Variants in CADM1 observed in about 807,000 individuals in gnomAD.
CADM1 encodes the protein cell adhesion molecule 1.
CADM1 carries 15 observed loss-of-function variants against 53.1 expected under a neutral mutation model. The observed-to-expected ratio is 0.28, with a 90% CI of 0.19 to 0.44. The LOEUF (loss-of-function observed/expected upper bound fraction) is 0.44, where lower values mean the gene tolerates loss of function less well. Ranked by LOEUF, CADM1 falls within the 20% of genes least tolerant of loss-of-function variation. The pLI is 1.00. For missense variants in CADM1, 434 were observed against 611.3 expected (o/e 0.71, Z 3.06); for synonymous variants, 281 against 243.0 (o/e 1.16, Z -1.45).
Position 115,312,710 on chromosome 11 carries a change from G to A in CADM1, c.125-72290C>T, listed in dbSNP as rs45616036. On this transcript the variant is annotated intron_variant, in intron 1 of 11. Coordinates refer to ENST00000331581, the MANE Select transcript of CADM1 (RefSeq NM_001301043.2). ...GCACAAAACCAAAATTAAGTGTCTAGTTGTGCTAACACCTAAAACATCAGA... is the reference window on the plus strand; with the variant it reads ...GCACAAAACCAAAATTAAGTGTCTAATTGTGCTAACACCTAAAACATCAGA... Among the ~76,000 whole-genome samples the A allele has an allele frequency of 9.0e-3, 1,371 of 152,172 alleles. 17 individuals are homozygous for A. The highest frequency in any genetic ancestry group is 9.1e-3 in the Non-Finnish European group (620 of 67,990).
chr11:115,355,100 AAAGAT>A (rs1945830126), intron 1 of CADM1, among the ~76,000 whole-genome samples: 2 of 152,322 alleles, frequency 1.3e-5, no homozygotes, highest in South Asian at 4.1e-4. Context: ...TCCAGAACAC[AAAGAT>A]AAGGAAATCA....
At chr11:115,217,398 C>T (rs1266334317) in intron 6 of CADM1, among the ~76,000 whole-genome samples, 4 of 152,130 alleles carry the variant, frequency 2.6e-5, no homozygotes, top group Admixed American at 2.6e-4. Context: ...AAAAATATTT[C>T]TGGGAGTCAA....
chr11:115,297,733 C>A (rs759416326), intron 1 of CADM1, among the ~76,000 whole-genome samples: 2 of 152,314 alleles, frequency 1.3e-5, no homozygotes, highest in South Asian at 4.1e-4. Context: ...GAACATGACA[C>A]AAACTGTAAG....
rs149599501 is a variant in CADM1, at chr11:115,241,592, G to A, written c.125-1172C>T. Among the ~76,000 whole-genome samples the A allele has an allele frequency of 2.1e-3, 325 of 152,248 alleles. 3 individuals carry two copies. Among genetic ancestry groups the A allele is most frequent in the African/African-American group, 7.5e-3 (311 of 41,538 alleles). Reference sequence around the variant, plus strand: ...AGCTATCTCACAGGGCTGATGGGGGGATGAAAAAGGATAATAAATATAAAG... The same window carrying A: ...AGCTATCTCACAGGGCTGATGGGGGAATGAAAAAGGATAATAAATATAAAG... On this transcript the variant is annotated intron_variant, in intron 1 of 11. Coordinates refer to ENST00000331581, the MANE Select transcript of CADM1 (RefSeq NM_001301043.2).
chr11:115,379,303 T>A (rs1037261198), intron 1 of CADM1, among the ~76,000 whole-genome samples: 1 of 152,182 alleles, frequency 6.6e-6, no homozygotes, highest in African/African-American at 2.4e-5. Flanking sequence ...TGAAGACATT[T>A]AAAAAGAAAA....
At chr11:115,222,972 T>G (rs1262030319) in intron 5 of CADM1, among the ~76,000 whole-genome samples, 2 of 152,160 alleles carry the variant, frequency 1.3e-5, no homozygotes, top group African/African-American at 4.8e-5. Context: ...TTTTTTGTTT[T>G]GTTTTGTTCT....
At chr11:115,238,855 C>A (rs565077272) in intron 2 of CADM1, among the ~76,000 whole-genome samples, 1 of 151,572 alleles carries the variant, frequency 6.6e-6, no homozygotes, top group East Asian at 1.9e-4. Flanking sequence ...TGTATGTGTG[C>A]GTGTGCATAT....
intron 4 of CADM1, among the ~76,000 whole-genome samples, chr11:115,230,252 G>T (rs958898734): frequency 2.6e-5 from 4 of 152,110 alleles, no homozygotes; most frequent in Non-Finnish European, 5.9e-5. Flanking sequence ...CTTTCTAAAA[G>T]GGCTGATTCT....
At chr11:115,331,333 G>GATTTCCT (rs1363926198) in intron 1 of CADM1, among the ~76,000 whole-genome samples, 1 of 152,108 alleles carries the variant, frequency 6.6e-6, no homozygotes, top group Non-Finnish European at 1.5e-5. Flanking sequence ...TTTAGGCAAA[G>GATTTCCT]ATTTCCTAGC....
At chr11:115,394,532 G>A (rs1946941176) in intron 1 of CADM1, among the ~76,000 whole-genome samples, 3 of 152,094 alleles carry the variant, frequency 2.0e-5, no homozygotes, top group Non-Finnish European at 4.4e-5. Flanking sequence ...AAGGTAGTTT[G>A]TTTTATGAGA....
intron 1 of CADM1, among the ~76,000 whole-genome samples, chr11:115,307,796 T>C (rs1944417724): frequency 6.6e-6 from 1 of 151,894 alleles, no homozygotes; most frequent in Admixed American, 6.6e-5. Flanking sequence ...CCAACATTAC[T>C]GTCATTGGTC....
chr11:115,180,925 CTGTA>C (rs1190768885), intron 10 of CADM1, among the ~76,000 whole-genome samples: 1 of 152,126 alleles, frequency 6.6e-6, no homozygotes, highest in Non-Finnish European at 1.5e-5. Context: ...TCGATGAACT[CTGTA>C]TGTTTTAAAA....
rs181210757 is a variant in CADM1, at chr11:115,259,454, C to T, written c.125-19034G>A. 2.8e-3 allele frequency among the ~76,000 whole-genome samples: 424 copies of T among 150,002 alleles called. 2 individuals are homozygous for T. Among genetic ancestry groups the T allele is most frequent in the African/African-American group, 9.2e-3 (374 of 40,784 alleles). On this transcript the variant is annotated intron_variant, in intron 1 of 11. Coordinates refer to ENST00000331581, the MANE Select transcript of CADM1 (RefSeq NM_001301043.2). The stretch of plus-strand genomic sequence containing the variant: ...CCAAGTGGCTGGGATTACAGGCACA[C>T]GCCACCACCCCCAGCTAATTTTTAT...
intron 1 of CADM1, among the ~76,000 whole-genome samples, chr11:115,358,342 TC>T (rs1945932557): frequency 6.6e-6 from 1 of 152,152 alleles, no homozygotes; most frequent in South Asian, 2.1e-4. Flanking sequence ...GAAAAAGGCC[TC>T]ACGTGGCTGA....
intron 5 of CADM1, among the ~76,000 whole-genome samples, chr11:115,227,286 T>C (rs1237262940): frequency 6.6e-6 from 1 of 152,188 alleles, no homozygotes; most frequent in Non-Finnish European, 1.5e-5. Flanking sequence ...CTACAGATTA[T>C]GGAAACCAAG....
chr11:115,385,960 G>A (rs1333780664), intron 1 of CADM1, among the ~76,000 whole-genome samples: 3 of 152,324 alleles, frequency 2.0e-5, no homozygotes, highest in East Asian at 1.9e-4. Context: ...GGGATTTCCT[G>A]TATAAGAACA....
At chr11:115,448,887 T>A (rs1019328118) in intron 1 of CADM1, among the ~76,000 whole-genome samples, 3 of 152,124 alleles carry the variant, frequency 2.0e-5, no homozygotes, top group Admixed American at 6.6e-5. Flanking sequence ...ATGTATTAAG[T>A]TTCTACTTCA....
At chr11:115,432,915 GCA>G (rs1386129151) in intron 1 of CADM1, among the ~76,000 whole-genome samples, 2 of 152,178 alleles carry the variant, frequency 1.3e-5, no homozygotes, top group Admixed American at 6.5e-5. Context: ...GATTCACAGA[GCA>G]CAGTTACTCA....
intron 3 of CADM1, among the ~76,000 whole-genome samples, chr11:115,237,284 A>C (rs907353034): frequency 6.6e-6 from 1 of 152,218 alleles, no homozygotes; most frequent in Admixed American, 6.5e-5. Flanking sequence ...AATAGTGACA[A>C]ATATGAATAC....
Sources: gnomAD v4.1 joint callset for allele counts (sites outside exome capture counted in the v4.1 genomes callset) on GRCh38, gnomAD v4.1.1 for gene constraint, MANE v1.5 for transcripts, NCBI Gene and HGNC (gene_info 2026-07-23, HGNC 2026-07-21) for gene names.